Variants in GPR107 observed in about 807,000 individuals in gnomAD.
GPR107 encodes G protein-coupled receptor 107, also known as protein GPR107.
Under a neutral mutation model 75.5 loss-of-function variants are expected in GPR107, and 31 were observed. The observed-to-expected ratio is 0.41, with a 90% CI of 0.31 to 0.55. The LOEUF (loss-of-function observed/expected upper bound fraction) is 0.55. Among genes scored for constraint, GPR107 ranks in the 20% least tolerant of loss-of-function variants. The probability of loss-of-function intolerance (pLI) is 0.26; values close to 1 mark genes in which losing one functional copy is unlikely to be tolerated. For missense variants in GPR107, 572 were observed against 665.7 expected, an observed-to-expected ratio of 0.86 and a Z score of 1.55; for synonymous variants, 267 against 251.3, an observed-to-expected ratio of 1.06 and a Z score of -0.59.
rs553364013 is a variant in GPR107 at position 130,055,478 on chromosome 9, A to G, written c.141+1405A>G. 2.2e-4 allele frequency among the ~76,000 whole-genome samples: 33 copies of G among 151,590 alleles called. No homozygotes were observed. In the East Asian group the frequency reaches 4.9e-3, roughly 22 times the overall value. On this transcript the variant is annotated intron_variant, in intron 1 of 17. Transcript: ENST00000347136. ...GGGAGGCGGAGCTTGCAGTGAGCCA[A>G]GATCCCGCCACTGCACTCCAGCCTG...
intron 14 of GPR107, among the ~76,000 whole-genome samples, chr9:130,116,036 C>T (rs1831421716): frequency 6.6e-6 from 1 of 152,248 alleles, no homozygotes; most frequent in Admixed American, 6.5e-5. Context: ...GTCGCAGCTT[C>T]TGATGAACAT....
At chr9:130,109,260 T>G (rs1270975292) in intron 14 of GPR107, among the ~76,000 whole-genome samples, 1 of 152,146 alleles carries the variant, frequency 6.6e-6, no homozygotes, top group Non-Finnish European at 1.5e-5. Flanking sequence ...AGCCTCTGCC[T>G]TCTGGGTTCA....
chr9:130,063,706 G>A (rs1346504220), intron 1 of GPR107, among the ~76,000 whole-genome samples: 1 of 151,646 alleles, frequency 6.6e-6, no homozygotes, highest in Non-Finnish European at 1.5e-5. Context: ...TAATAAAACA[G>A]CCCTGGGAAA....
At chr9:130,076,590 C>A in intron 3 of GPR107, 128 bp downstream of exon 3, 1 of 685,496 alleles carries the variant, frequency 1.5e-6, no homozygotes, top group Non-Finnish European at 2.7e-6. Context: ...TCATAGCTCA[C>A]TGCAACCTTG....
intron 14 of GPR107, among the ~76,000 whole-genome samples, chr9:130,115,074 C>T (rs1368595928): frequency 6.6e-6 from 1 of 152,138 alleles, no homozygotes; most frequent in Non-Finnish European, 1.5e-5. Context: ...ATGGCTGCAA[C>T]TCATGTTTAT....
chr9:130,084,986 A>G (rs556928985), intron 6 of GPR107, among the ~76,000 whole-genome samples: 28 of 152,250 alleles, frequency 1.8e-4, no homozygotes, highest in Admixed American at 7.2e-4. Flanking sequence ...GATGATGACA[A>G]ATGCTGAGCA....
intron 2 of GPR107, among the ~76,000 whole-genome samples, chr9:130,076,122 C>T (rs937095221): frequency 6.6e-6 from 1 of 152,134 alleles, no homozygotes; most frequent in Non-Finnish European, 1.5e-5. Context: ...CACCTTCCAA[C>T]CCCAATGCTT....
Position 130,104,493 on chromosome 9 carries a change from ACT to A in GPR107, c.1210_1211del (p.Leu404IlefsTer35), listed in dbSNP as rs1564676142. The stretch of plus-strand genomic sequence containing the variant: ...ACGACTGAATATGGCTTGTGGAAGG[ACT>A]CTCTATTTCTGGTCGACCTGTTGTG... On this transcript the variant is annotated frameshift_variant, in exon 13 of 18. Transcript: ENST00000347136. LOFTEE classifies it high-confidence loss of function. The A allele has an allele frequency of 6.2e-7, 1 of 1,612,464 alleles. No individual in the cohort carries two copies. Among genetic ancestry groups the A allele is most frequent in the Non-Finnish European group, 8.5e-7 (1 of 1,178,930 alleles).
At chr9:130,110,136 G>C (rs1471272344) in intron 14 of GPR107, among the ~76,000 whole-genome samples, 1 of 152,074 alleles carries the variant, frequency 6.6e-6, no homozygotes. Flanking sequence ...TCTTGCTTTA[G>C]CGAGTGTGGG....
intron 17 of GPR107, among the ~76,000 whole-genome samples, chr9:130,131,643 T>G (rs1336116007): frequency 2.0e-5 from 3 of 151,986 alleles, no homozygotes; most frequent in Non-Finnish European, 4.4e-5. Context: ...GCCACAGTCT[T>G]CCTGCATCAC....
At chr9:130,113,395 C>A (rs1472213549) in intron 14 of GPR107, among the ~76,000 whole-genome samples, 2 of 151,844 alleles carry the variant, frequency 1.3e-5, no homozygotes, top group African/African-American at 4.8e-5. Context: ...CCATGCCCGG[C>A]TAATTCTTAT....
chr9:130,131,978 C>A (rs1311350756), intron 17 of GPR107, among the ~76,000 whole-genome samples: 1 of 152,282 alleles, frequency 6.6e-6, no homozygotes, highest in Non-Finnish European at 1.5e-5. Context: ...GCTCCCCGGG[C>A]TCAGGCAATC....
intron 1 of GPR107, among the ~76,000 whole-genome samples, chr9:130,071,342 T>C (rs1370518613): frequency 6.6e-6 from 1 of 152,080 alleles, no homozygotes; most frequent in Admixed American, 6.6e-5. Context: ...CCCTTTTTTT[T>C]TCTATCAAAT....
chr9:130,121,147 C>T (rs563852118), intron 14 of GPR107, among the ~76,000 whole-genome samples: 2 of 152,154 alleles, frequency 1.3e-5, no homozygotes, highest in South Asian at 4.2e-4. Flanking sequence ...CACCACTGCA[C>T]TCCAGCCTGG....
At position 130,101,317 on chromosome 9, in the gene GPR107, C is replaced by T. The variant is rs74377395; in HGVS notation, c.1131+94C>T. The T allele has an allele frequency of 1.5e-5, 11 of 726,890 alleles. No homozygotes were observed. In the East Asian group the frequency reaches 2.5e-4, roughly 16 times the overall value. 45.0% of individuals were successfully genotyped at this position (726,890 alleles called of 1,614,324 possible). A position where few individuals can be genotyped will look rare whatever the true frequency, so the allele number is the denominator to read the frequency against. ...TATGGGAAGAGGGAGTCACCTCACC[C>T]TGAAACCCCAGCTTCTGCTAGTGGA... On this transcript the variant is annotated intron_variant, in intron 12 of 17. Coordinates refer to ENST00000347136, the MANE Select transcript of GPR107 (RefSeq NM_020960.5).
chr9:130,090,521 A>T (rs538483474), intron 7 of GPR107, among the ~76,000 whole-genome samples: 2 of 152,360 alleles, frequency 1.3e-5, no homozygotes, highest in Non-Finnish European at 2.9e-5. Flanking sequence ...ATCTGTGATA[A>T]AACAGGCATA....
chr9:130,131,739 G>A (rs189458188), intron 17 of GPR107, among the ~76,000 whole-genome samples: 25 of 152,176 alleles, frequency 1.6e-4, no homozygotes, highest in Middle Eastern at 3.4e-3. Context: ...GCTGAACCAC[G>A]TCCCTCTTCC....
chr9:130,116,504 G>A (rs1203167723), intron 14 of GPR107, among the ~76,000 whole-genome samples: 1 of 152,214 alleles, frequency 6.6e-6, no homozygotes, highest in Non-Finnish European at 1.5e-5. Context: ...GTGGACAGGA[G>A]GGGTTGGGGG....
chr9:130,061,443 G>A (rs1410735700), intron 1 of GPR107, among the ~76,000 whole-genome samples: 2 of 152,182 alleles, frequency 1.3e-5, no homozygotes, highest in African/African-American at 2.4e-5. Context: ...CAAAGTCCCT[G>A]AGTGGGAGCA....
Sources: allele counts gnomAD v4.1 joint callset (sites outside exome capture counted in the v4.1 genomes callset), GRCh38; gene constraint gnomAD v4.1.1; transcripts MANE v1.5; gene names NCBI Gene and HGNC (gene_info 2026-07-23, HGNC 2026-07-21).